Variants in TERF2 observed in about 807,000 individuals in gnomAD.
TERF2 encodes the protein telomeric repeat-binding factor 2.
A neutral mutation model predicts 56.1 loss-of-function variants in TERF2; 16 were observed. The observed-to-expected ratio is 0.29, with a 90% confidence interval of 0.19 to 0.43. TERF2 has a LOEUF of 0.43. Among genes scored for constraint, TERF2 ranks in the 20% least tolerant of loss-of-function variants. The pLI, the probability that TERF2 is intolerant of heterozygous loss-of-function variation, is 1.00. For missense variants in TERF2, 547 were observed against 712.9 expected, an observed-to-expected ratio of 0.77 and a Z score of 2.65; for synonymous variants, 296 against 282.1, an observed-to-expected ratio of 1.05 and a Z score of -0.50.
At chr16:69,375,387 C>T (rs2013740796) in intron 3 of TERF2, among the ~76,000 whole-genome samples, 1 of 152,156 alleles carries the variant, frequency 6.6e-6, no homozygotes, top group Admixed American at 6.5e-5. Flanking sequence ...CCAGTTGCTC[C>T]ACATCCTCAC....
intron 7 of TERF2, among the ~76,000 whole-genome samples, chr16:69,364,013 G>T (rs2013245523): frequency 6.6e-6 from 1 of 152,080 alleles, no homozygotes; most frequent in Non-Finnish European, 1.5e-5. Flanking sequence ...AACAAGAAAA[G>T]AATATGGAAC....
At chr16:69,357,583 C>T in intron 8 of TERF2, 22 bp from the exon 9 acceptor site, 2 of 1,612,282 alleles carry the variant, frequency 1.2e-6, no homozygotes, top group Non-Finnish European at 1.7e-6. Flanking sequence ...TAAAAGTAGA[C>T]TCATTTCAGA....
At chr16:69,372,491 G>A (rs1013883182) in intron 3 of TERF2, 136 bp from the exon 4 acceptor site, 10 of 557,106 alleles carry the variant, frequency 1.8e-5, no homozygotes, top group East Asian at 1.2e-4. Flanking sequence ...AGCCAGGCGC[G>A]GTGGCTCACG....
intron 7 of TERF2, chr16:69,365,121 T>A (rs942516425): frequency 3.9e-5 from 6 of 152,364 alleles, no homozygotes; most frequent in Admixed American, 3.9e-4. Context: ...TCACAAATCC[T>A]CCCATTTACA....
chr16:69,370,306 C>T, intron 5 of TERF2, 177 bp downstream of exon 5: 1 of 839,104 alleles, frequency 1.2e-6, no homozygotes, highest in Non-Finnish European at 1.8e-6. Flanking sequence ...GCTGGGATTA[C>T]AGGCGTGAGC....
chr16:69,363,007 C>A (rs976846718), intron 7 of TERF2, among the ~76,000 whole-genome samples: 1 of 152,132 alleles, frequency 6.6e-6, no homozygotes, highest in African/African-American at 2.4e-5. Flanking sequence ...CATAAGTTTT[C>A]TATGAAATTA....
At chr16:69,370,851 C>G (rs1473630075) in intron 4 of TERF2, among the ~76,000 whole-genome samples, 2 of 152,044 alleles carry the variant, frequency 1.3e-5, no homozygotes, top group Non-Finnish European at 2.9e-5. Flanking sequence ...AAAGAAGTTC[C>G]TTATATGCTA....
intron 8 of TERF2, among the ~76,000 whole-genome samples, chr16:69,358,289 A>C (rs1489806290): frequency 1.3e-5 from 2 of 152,144 alleles, no homozygotes; most frequent in African/African-American, 4.8e-5. Flanking sequence ...CTGGGATTAC[A>C]GGCATGAGCC....
intron 4 of TERF2, among the ~76,000 whole-genome samples, chr16:69,371,886 G>C (rs2013590893): frequency 2.0e-5 from 3 of 152,114 alleles, no homozygotes; most frequent in Non-Finnish European, 4.4e-5. Flanking sequence ...CAGAACTTTT[G>C]ACACCAGGAA....
chr16:69,383,434 T>C (rs1394649002), intron 3 of TERF2, among the ~76,000 whole-genome samples: 1 of 152,226 alleles, frequency 6.6e-6, no homozygotes, highest in African/African-American at 2.4e-5. Context: ...CTGGTACCCA[T>C]TCAAAAGATC....
At chr16:69,363,050 T>C (rs991902041) in intron 7 of TERF2, among the ~76,000 whole-genome samples, 3 of 152,204 alleles carry the variant, frequency 2.0e-5, no homozygotes, top group African/African-American at 7.2e-5. Context: ...ATGGTAGACC[T>C]AACTTTCTCT....
At chr16:69,368,736 G>A in intron 5 of TERF2, 5 of 771,034 alleles carry the variant, frequency 6.5e-6, no homozygotes, top group Middle Eastern at 9.1e-4. Flanking sequence ...CAGCACAGTG[G>A]TGCAATCTCG....
intron 8 of TERF2, among the ~76,000 whole-genome samples, chr16:69,357,862 T>C (rs1486080817): frequency 2.0e-5 from 3 of 150,762 alleles, no homozygotes; most frequent in African/African-American, 7.3e-5. Context: ...TTTTTTTTTT[T>C]TTTTGAGACG....
intron 4 of TERF2, among the ~76,000 whole-genome samples, chr16:69,371,093 GGAA>G (rs946944820): frequency 2.0e-5 from 3 of 151,778 alleles, no homozygotes; most frequent in Non-Finnish European, 4.4e-5. Context: ...GCCTCTGAAG[GGAA>G]GAAGATGGCT....
intron 8 of TERF2, among the ~76,000 whole-genome samples, chr16:69,357,846 C>CTTTTTTTT (rs71383989): frequency 2.5e-5 from 3 of 121,930 alleles, no homozygotes; most frequent in Non-Finnish European, 3.4e-5. Context: ...ACATCGTTTT[C>CTTTTTTTT]TTTTTTTTTT....
intron 4 of TERF2, among the ~76,000 whole-genome samples, chr16:69,370,965 T>C (rs576474585): frequency 6.7e-6 from 1 of 149,244 alleles, no homozygotes; most frequent in Non-Finnish European, 1.5e-5. Flanking sequence ...ATGAGAAGAA[T>C]GGAGAAAATG....
chr16:69,370,521 C>T lies in TERF2; in HGVS notation c.802G>A (p.Glu268Lys). The T allele has an allele frequency of 1.2e-6, 2 of 1,614,162 alleles. No individual in the cohort carries two copies. The highest frequency in any genetic ancestry group is 1.7e-6 in the Non-Finnish European group (2 of 1,180,024). Residue 268 changes from glutamate to lysine, a missense_variant, in exon 5 of 10, where the codon GAG becomes AAG. Physicochemically the swap from Glu to Lys is moderately conservative, Grantham distance 56. Coordinates refer to ENST00000254942, the MANE Select transcript of TERF2 (RefSeq NM_005652.5). ...TFQQKMLRFL[E>K]SHLDDAEPYL... ...GGCTCGGCGTCATCCAGGTGGCTCT[C>T]CAGGAAGCGCAGCATCTTCTGCTGG...
Position 69,367,149 on chromosome 16 carries a change from G to A in TERF2, c.998C>T (p.Ala333Val). 6.2e-7 allele frequency: 1 copy of A among 1,614,168 alleles called. No homozygotes were observed. The highest frequency in any genetic ancestry group is 8.5e-7 in the Non-Finnish European group (1 of 1,180,034). The change falls in exon 7 of 10, where the codon GCT becomes GTT. Residue 333 changes from alanine to valine, a missense_variant. Ala to Val is a moderately conservative substitution (Grantham distance 64). This residue lies in a region of TERF2 where 211 missense variants were observed against 236.8 expected (regional missense o/e 0.89). Coordinates refer to ENST00000254942, the MANE Select transcript of TERF2 (RefSeq NM_005652.5). ...CTGTGCACCAGACAGAGTCTTGAAA[G>A]CTGCTTTCAGAGTCATCATTCCAAT... ...TTIGMMTLKAAFKTLSGAQDS... is the reference protein window; with the variant it reads ...TTIGMMTLKAVFKTLSGAQDS...
At chr16:69,378,442 G>A (rs1419990144) in intron 3 of TERF2, among the ~76,000 whole-genome samples, 6 of 152,176 alleles carry the variant, frequency 3.9e-5, no homozygotes, top group Non-Finnish European at 8.8e-5. Flanking sequence ...TTGCCTGGGG[G>A]CCAGGGCAAG....
Sources: gnomAD v4.1 joint callset for allele counts (sites outside exome capture counted in the v4.1 genomes callset) on GRCh38, gnomAD v4.1.1 for gene constraint, gnomAD v4.1.1 regional missense constraint, MANE v1.5 for transcripts, NCBI Gene and HGNC (gene_info 2026-07-23, HGNC 2026-07-21) for gene names.